DLGAP2: variants seen among roughly 807,000 people sequenced by gnomAD.
DLGAP2 encodes disks large-associated protein 2.
A neutral mutation model predicts 100.3 loss-of-function variants in DLGAP2; 26 were observed. The observed-to-expected ratio is 0.26, with a 90% confidence interval of 0.19 to 0.36. The LOEUF (loss-of-function observed/expected upper bound fraction) is 0.36. Among genes scored for constraint, DLGAP2 ranks in the 10% least tolerant of loss-of-function variants. The probability of loss-of-function intolerance (pLI) is 1.00; values close to 1 mark genes in which losing one functional copy is unlikely to be tolerated. For synonymous variants in DLGAP2, 886 were observed against 630.1 expected (o/e 1.41, Z -6.08); for missense variants, 1,858 against 1,453.2 (o/e 1.28, Z -4.53).
intron 1 of DLGAP2, among the ~76,000 whole-genome samples, chr8:774,661 A>G (rs1367536541): frequency 1.3e-5 from 2 of 151,546 alleles, no homozygotes; most frequent in Non-Finnish European, 2.9e-5. Context: ...ATAGTTGTAG[A>G]TGTGCGGCAT....
intron 1 of DLGAP2, among the ~76,000 whole-genome samples, chr8:885,752 G>A (rs1317979025): frequency 1.3e-5 from 2 of 152,116 alleles, no homozygotes; most frequent in East Asian, 1.9e-4. Context: ...GATATTGGCT[G>A]TGGGTTTGTC....
At chr8:848,100 T>C (rs1797104113) in intron 1 of DLGAP2, among the ~76,000 whole-genome samples, 1 of 152,190 alleles carries the variant, frequency 6.6e-6, no homozygotes, top group Admixed American at 6.5e-5. Flanking sequence ...GCCTGTTCTC[T>C]GTCTGTCGTG....
At chr8:776,890 A>T (rs941686461) in intron 1 of DLGAP2, among the ~76,000 whole-genome samples, 2 of 152,116 alleles carry the variant, frequency 1.3e-5, no homozygotes, top group South Asian at 4.1e-4. Context: ...GCTGAGTTCA[A>T]TTCCTGGGTA....
intron 14 of DLGAP2, among the ~76,000 whole-genome samples, chr8:1,699,138 T>A (rs1217287074): frequency 1.3e-5 from 2 of 152,202 alleles, no homozygotes; most frequent in African/African-American, 2.4e-5. Flanking sequence ...GATGGTTCCG[T>A]CTAGTCTCCA....
rs1798977064 is a variant in DLGAP2 at position 1,248,993 on chromosome 8, C to T, written c.74-9858C>T. On this transcript the variant is annotated intron_variant, in intron 2 of 14. Coordinates refer to ENST00000637795, the MANE Select transcript of DLGAP2 (RefSeq NM_001346810.2). ...GCTCAGCCACAATGTAAGAGCAGGA[C>T]CCCGGGGACATCCCATGTTTAGGAG... is the stretch of plus-strand genomic sequence containing the variant. Among the ~76,000 whole-genome samples the T allele has an allele frequency of 4.6e-5, 7 of 152,222 alleles. No homozygotes were observed. The South Asian group carries it at 1.2e-3, about 27-fold the overall frequency.
intron 3 of DLGAP2, among the ~76,000 whole-genome samples, chr8:1,377,624 C>G (rs1795989468): frequency 6.6e-6 from 1 of 152,172 alleles, no homozygotes; most frequent in Non-Finnish European, 1.5e-5. Context: ...GAGGACATAC[C>G]CCAGCCTGTC....
At chr8:1,346,621 G>A in intron 3 of DLGAP2, among the ~76,000 whole-genome samples, 1 of 151,626 alleles carries the variant, frequency 6.6e-6, no homozygotes, top group African/African-American at 2.4e-5. Flanking sequence ...TGGAGGTTGA[G>A]TTCTGAAACA....
intron 8 of DLGAP2, among the ~76,000 whole-genome samples, chr8:1,663,555 C>T (rs566528392): frequency 6.6e-6 from 1 of 152,210 alleles, no homozygotes; most frequent in South Asian, 2.1e-4. Context: ...TTTAATAGAA[C>T]CAGAAAGAAG....
intron 12 of DLGAP2, 199 bp downstream of exon 12, chr8:1,678,828 G>A (rs902831535): frequency 8.9e-6 from 5 of 562,656 alleles, no homozygotes; most frequent in East Asian, 3.3e-5. Context: ...CTACGATATC[G>A]AAGGAAAATT....
chr8:1,071,562 C>G (rs1803432254), intron 2 of DLGAP2, among the ~76,000 whole-genome samples: 1 of 152,200 alleles, frequency 6.6e-6, no homozygotes, highest in African/African-American at 2.4e-5. Context: ...CAGCGCTAGC[C>G]TGATTCTTTC....
At chr8:1,088,585 T>C (rs1421565621) in intron 2 of DLGAP2, among the ~76,000 whole-genome samples, 1 of 152,152 alleles carries the variant, frequency 6.6e-6, no homozygotes, top group East Asian at 1.9e-4. Flanking sequence ...AGCTGTGGCT[T>C]CTTCCAGGGT....
chr8:1,486,687 G>A (rs1377258243), intron 3 of DLGAP2, among the ~76,000 whole-genome samples: 2 of 152,156 alleles, frequency 1.3e-5, no homozygotes, highest in Non-Finnish European at 2.9e-5. Flanking sequence ...ATATCTTAGC[G>A]TTTCATGCCA....
intron 2 of DLGAP2, among the ~76,000 whole-genome samples, chr8:1,008,229 G>A (rs1801177433): frequency 6.6e-6 from 1 of 152,190 alleles, no homozygotes. Context: ...TTATTACGTA[G>A]AACAAATGCT....
chr8:1,648,261 C>T (rs1798088127), intron 8 of DLGAP2, among the ~76,000 whole-genome samples: 2 of 152,220 alleles, frequency 1.3e-5, no homozygotes, highest in Non-Finnish European at 2.9e-5. Context: ...TTGGCATCGA[C>T]TTGAGCCTTT....
chr8:1,541,477 G>A (rs1299237025), intron 4 of DLGAP2, among the ~76,000 whole-genome samples: 1 of 152,200 alleles, frequency 6.6e-6, no homozygotes, highest in Admixed American at 6.5e-5. Flanking sequence ...CTGGGATGAT[G>A]TCCAGAAATT....
intron 2 of DLGAP2, among the ~76,000 whole-genome samples, chr8:997,315 A>ATGC (rs1460403127): frequency 1.2e-4 from 19 of 152,382 alleles, no homozygotes; most frequent in Admixed American, 1.2e-3. Context: ...ACATTCAAAA[A>ATGC]TGCTATTTAA....
chr8:1,616,237 T>G (rs542621581), intron 6 of DLGAP2, among the ~76,000 whole-genome samples: 57 of 152,084 alleles, frequency 3.7e-4, no homozygotes, highest in Non-Finnish European at 6.5e-4. Context: ...AAAAAAAGAA[T>G]AGAGCCTCAG....
intron 4 of DLGAP2, among the ~76,000 whole-genome samples, chr8:1,505,931 G>A (rs1462749114): frequency 6.6e-6 from 1 of 152,148 alleles, no homozygotes; most frequent in Non-Finnish European, 1.5e-5. Flanking sequence ...AATGCAAAAT[G>A]AAATTTTAAA....
intron 1 of DLGAP2, among the ~76,000 whole-genome samples, chr8:893,651 C>T (rs1033145036): frequency 3.3e-5 from 5 of 152,218 alleles, no homozygotes; most frequent in African/African-American, 1.2e-4. Flanking sequence ...GTCCGTTAGG[C>T]ATGCTGTGGT....
Sources: gnomAD v4.1 joint callset for allele counts (sites outside exome capture counted in the v4.1 genomes callset) on GRCh38, gnomAD v4.1.1 for gene constraint, MANE v1.5 for transcripts, NCBI Gene and HGNC (gene_info 2026-07-23, HGNC 2026-07-21) for gene names.